ANKRD31: variants seen among roughly 807,000 people sequenced by gnomAD.
ANKRD31 encodes the protein ankyrin repeat domain-containing protein 31.
In ANKRD31, 147 loss-of-function variants were observed where a neutral mutation model predicts 186.0. That is an observed-to-expected ratio of 0.79 (90% CI 0.69 to 0.91). ANKRD31 has a LOEUF of 0.91. Ranked by LOEUF, ANKRD31 falls within the 40% of genes least tolerant of loss-of-function variation. The pLI, the probability that ANKRD31 is intolerant of heterozygous loss-of-function variation, is 0.00. For synonymous variants in ANKRD31, 673 were observed against 736.4 expected (o/e 0.91, Z 1.39); for missense variants, 1,986 against 2,148.8 (o/e 0.92, Z 1.50).
chr5:75,137,903 C>T lies in ANKRD31; in HGVS notation c.3829G>A (p.Asp1277Asn). The T allele has an allele frequency of 3.9e-6, 6 of 1,533,366 alleles. No individual in the cohort carries two copies. The highest frequency in any genetic ancestry group is 1.2e-5 in the South Asian group (1 of 83,304). 95.0% of individuals were successfully genotyped at this position (1,533,366 alleles called of 1,614,324 possible). A position where few individuals can be genotyped will look rare whatever the true frequency, so the allele number is the denominator to read the frequency against. The part of the protein sequence containing the change: ...AGAKVNCENI[D>N]GILPLHDAVA... ...GCATCATGTAAGGGCAGAATTCCATCTATATTTTCACAATTAACCTTAGCA... is the reference window on the plus strand; with the variant it reads ...GCATCATGTAAGGGCAGAATTCCATTTATATTTTCACAATTAACCTTAGCA... Residue 1277 changes from aspartate (D) to asparagine (N), a missense_variant, in exon 17 of 26, where the codon GAT becomes AAT. By Grantham distance (23) the Asp-to-Asn change is conservative. Transcript: ENST00000506364.
rs545558544 is a variant in ANKRD31 at position 75,226,688 on chromosome 5, G to A, written c.178+3874C>T. The stretch of plus-strand genomic sequence containing the variant: ...AAGGTACTCAACATCATGGATCATT[G>A]GAGAAATACAAATCAAAACTACAAT... On this transcript the variant is annotated intron_variant, in intron 2 of 25. Coordinates refer to ENST00000506364, the MANE Select transcript of ANKRD31 (RefSeq NM_001372053.1). 2.0e-5 allele frequency among the ~76,000 whole-genome samples: 3 copies of A among 152,224 alleles called. No homozygotes were observed. In the South Asian group the frequency reaches 6.2e-4, roughly 32 times the overall value.
Position 75,146,982 on chromosome 5 carries a change from A to T in ANKRD31, c.2429T>A (p.Ile810Asn), listed in dbSNP as rs1221397148. The T allele has an allele frequency of 6.5e-7, 1 of 1,536,236 alleles. No individual in the cohort carries two copies. Among genetic ancestry groups the T allele is most frequent in the Non-Finnish European group, 8.7e-7 (1 of 1,146,308 alleles). The change falls in exon 14 of 26, where the codon ATC becomes AAC. Residue 810 changes from isoleucine to asparagine, a missense_variant. Transcript: ENST00000506364. ...ACTATCTGATAAATCCAGGTTCTGG[A>T]TGTGTTTCTCTTTGGAAACTGAACA... ...EACSVSKEKH[I>N]QNLDLSDSQE...
Position 75,188,554 on chromosome 5 carries a change from A to C in ANKRD31, c.1503T>G (p.Asp501Glu). ...TTATACAATGATGAACAAGATCAGC[A>C]TCATCGTGTAGAGCAGCCTTATATA... Reference protein sequence around the residue: ...NLVYKAALHDDADLVHHCIKK... With the variant: ...NLVYKAALHDEADLVHHCIKK... Residue 501 changes from aspartate (D) to glutamate (E), a missense_variant, in exon 10 of 26, where the codon GAT (aspartate) becomes GAG (glutamate). By Grantham distance (45) the Asp-to-Glu change is conservative (BLOSUM62 2). Coordinates refer to ENST00000506364, the MANE Select transcript of ANKRD31 (RefSeq NM_001372053.1). 6.5e-7 allele frequency: 1 copy of C among 1,536,640 alleles called. No homozygotes were observed. The highest frequency in any genetic ancestry group is 8.7e-7 in the Non-Finnish European group (1 of 1,146,552).
At chr5:75,081,201 A>C (rs909212606) in intron 24 of ANKRD31, among the ~76,000 whole-genome samples, 2 of 152,218 alleles carry the variant, frequency 1.3e-5, no homozygotes, top group African/African-American at 2.4e-5. Flanking sequence ...TTAGGTCCAG[A>C]CCAAGGTAGC....
At chr5:75,131,962 G>A (rs1749882427) in intron 17 of ANKRD31, among the ~76,000 whole-genome samples, 1 of 152,170 alleles carries the variant, frequency 6.6e-6, no homozygotes. Flanking sequence ...ACTGTTAGAA[G>A]GAAAACTAAC....
intron 5 of ANKRD31, among the ~76,000 whole-genome samples, chr5:75,204,974 G>T (rs865930633): frequency 2.0e-5 from 3 of 152,322 alleles, no homozygotes; most frequent in Middle Eastern, 3.4e-3. Context: ...CTGGGCTCAA[G>T]CTGTCCTCCC....
chr5:75,179,973 T>C (rs1035035469), intron 10 of ANKRD31, among the ~76,000 whole-genome samples: 8 of 152,168 alleles, frequency 5.3e-5, no homozygotes, highest in Non-Finnish European at 1.2e-4. Context: ...TGATTGTATA[T>C]ATAGAAAACC....
chr5:75,219,006 C>T (rs1757132629), intron 3 of ANKRD31, among the ~76,000 whole-genome samples: 1 of 152,130 alleles, frequency 6.6e-6, no homozygotes, highest in Non-Finnish European at 1.5e-5. Context: ...CCACCTATGA[C>T]AAAGCCACAG....
At chr5:75,074,517 A>T (rs1744474417) in intron 25 of ANKRD31, among the ~76,000 whole-genome samples, 1 of 152,218 alleles carries the variant, frequency 6.6e-6, no homozygotes, top group Non-Finnish European at 1.5e-5. Context: ...TATATATGTG[A>T]GTGGAAAACC....
chr5:75,083,845 A>G (rs1320444054), intron 24 of ANKRD31, among the ~76,000 whole-genome samples: 1 of 152,258 alleles, frequency 6.6e-6, no homozygotes, highest in East Asian at 1.9e-4. Flanking sequence ...GGAATGAAGT[A>G]TGGATACATG....
chr5:75,164,797 ATTC>A (rs1314749074), intron 11 of ANKRD31, among the ~76,000 whole-genome samples: 1 of 152,222 alleles, frequency 6.6e-6, no homozygotes, highest in Non-Finnish European at 1.5e-5. Context: ...AAACCAATGC[ATTC>A]TGTATTTTCT....
chr5:75,108,659 A>C lies in ANKRD31; in HGVS notation c.4244-1042T>G, dbSNP rs537778105. 1.1e-4 allele frequency among the ~76,000 whole-genome samples: 17 copies of C among 152,238 alleles called. No homozygotes were observed. The South Asian group carries it at 3.5e-3, about 32-fold the overall frequency. On this transcript the variant is annotated intron_variant, in intron 20 of 25. Coordinates refer to ENST00000506364, the MANE Select transcript of ANKRD31 (RefSeq NM_001372053.1). The stretch of plus-strand genomic sequence containing the variant: ...AATTTGTTTTAGAAATTCCCTCAGC[A>C]AATCAGACACATGATTTGGTAAGTA...
intron 11 of ANKRD31, among the ~76,000 whole-genome samples, chr5:75,155,266 GTATGTATGTATATATACATAA>G (rs1201092380): frequency 2.0e-5 from 3 of 151,880 alleles, no homozygotes; most frequent in African/African-American, 7.3e-5. Flanking sequence ...CAATAGGTAT[GTATGTATGTATATATACATAA>G]TATGTATGTA....
intron 22 of ANKRD31, among the ~76,000 whole-genome samples, chr5:75,094,771 C>G (rs574635479): frequency 4.9e-4 from 75 of 151,998 alleles, no homozygotes; most frequent in Non-Finnish European, 9.3e-4. Context: ...TAAGACCCAA[C>G]TATATAATGC....
At chr5:75,081,148 A>G (rs970112098) in intron 24 of ANKRD31, among the ~76,000 whole-genome samples, 2 of 152,256 alleles carry the variant, frequency 1.3e-5, no homozygotes, top group African/African-American at 2.4e-5. Flanking sequence ...CAAAATTCCA[A>G]CAGCAGCCTA....
chr5:75,209,143 C>G (rs918889707), intron 4 of ANKRD31, among the ~76,000 whole-genome samples: 1 of 152,156 alleles, frequency 6.6e-6, no homozygotes, highest in African/African-American at 2.4e-5. Flanking sequence ...CATTCTATTA[C>G]ATTAAAACTC....
intron 25 of ANKRD31, among the ~76,000 whole-genome samples, chr5:75,069,483 G>A (rs541941141): frequency 5.9e-5 from 9 of 152,072 alleles, no homozygotes; most frequent in Non-Finnish European, 1.2e-4. Flanking sequence ...ATAGATTCAG[G>A]GGTCAGAACA....
In ANKRD31 at chr5:75,154,310, T is replaced by C; in HGVS notation, c.1743A>G (p.Pro581=). Residue 581 remains proline (P), a synonymous_variant, in exon 12 of 26, where the codon CCA becomes CCG. Coordinates refer to ENST00000506364, the MANE Select transcript of ANKRD31 (RefSeq NM_001372053.1). ...ATTTTCCATCATCATTTCTAAATAA[T>C]GGATCAGCTCCATTCAGAAGAAGTA... ...AELLLLNGAD[P]LFRNDDGKCA... is the part of the protein sequence containing the mutation. The C allele has an allele frequency of 2.0e-6, 3 of 1,535,718 alleles. No individual in the cohort carries two copies. Among genetic ancestry groups the C allele is most frequent in the Middle Eastern group, 1.7e-4 (1 of 5,972 alleles).
intron 25 of ANKRD31, among the ~76,000 whole-genome samples, chr5:75,069,299 T>C (rs1744021713): frequency 6.6e-6 from 1 of 152,100 alleles, no homozygotes; most frequent in East Asian, 1.9e-4. Flanking sequence ...TCTCTGAGAT[T>C]GGCTATATGA....
Sources: gnomAD v4.1 joint callset for allele counts (sites outside exome capture counted in the v4.1 genomes callset) on GRCh38, gnomAD v4.1.1 for gene constraint, MANE v1.5 for transcripts, NCBI Gene and HGNC (gene_info 2026-07-23, HGNC 2026-07-21) for gene names.